WDFY4: variants seen among roughly 807,000 people sequenced by gnomAD.
The protein encoded by WDFY4 is WDFY family member 4, also known as WD repeat- and FYVE domain-containing protein 4.
A neutral mutation model predicts 351.9 loss-of-function variants in WDFY4; 169 were observed. That is an observed-to-expected ratio of 0.48 (90% CI 0.42 to 0.55). The LOEUF (loss-of-function observed/expected upper bound fraction) is 0.55, where lower values mean the gene tolerates loss of function less well. WDFY4 is among the 20% of genes least tolerant of loss of function. The pLI is 0.00. For missense variants in WDFY4, 3,803 were observed against 3,935.6 expected (o/e 0.97, Z 0.90); for synonymous variants, 1,622 against 1,574.6 (o/e 1.03, Z -0.71).
chr10:48,795,518 T>TAC (rs1565207955), intron 23 of WDFY4, among the ~76,000 whole-genome samples: 2 of 96,134 alleles, frequency 2.1e-5, no homozygotes, highest in Non-Finnish European at 3.8e-5. Flanking sequence ...TATATATATA[T>TAC]ATATACATAT....
intron 38 of WDFY4, 102 bp from the exon 39 acceptor site, chr10:48,832,471 G>A (rs923509500): frequency 6.7e-6 from 9 of 1,335,938 alleles, no homozygotes; most frequent in Non-Finnish European, 7.9e-6. Context: ...GGCAACCACA[G>A]GGGGCTCATG....
intron 3 of WDFY4, 130 bp downstream of exon 3, chr10:48,720,255 C>A (rs2064036998): frequency 1.1e-6 from 1 of 921,660 alleles, no homozygotes; most frequent in Non-Finnish European, 1.6e-6. Context: ...AGAAGTAGGC[C>A]CCACTCTGCC....
intron 57 of WDFY4, among the ~76,000 whole-genome samples, chr10:48,973,561 C>T (rs1186236043): frequency 3.9e-5 from 6 of 152,252 alleles, no homozygotes; most frequent in Admixed American, 2.6e-4. Context: ...CTTGGTAAGC[C>T]AGGCCAATTA....
chr10:48,868,432 G>A (rs1377248690), intron 40 of WDFY4, among the ~76,000 whole-genome samples: 1 of 152,154 alleles, frequency 6.6e-6, no homozygotes, highest in African/African-American at 2.4e-5. Flanking sequence ...CAGACCCTTT[G>A]GTTGGACAAG....
At chr10:48,696,943 G>A (rs190755526) in intron 1 of WDFY4, among the ~76,000 whole-genome samples, 201 of 152,364 alleles carry the variant, frequency 1.3e-3, no homozygotes, top group Non-Finnish European at 1.1e-3. Context: ...AGTCGCTAAG[G>A]TTACAGGTTA....
Position 48,736,010 on chromosome 10 carries a change from T to G in WDFY4, c.1818T>G (p.Ile606Met), listed in dbSNP as rs1359032691. The change falls in exon 11 of 62, where the codon ATT (isoleucine) becomes ATG (methionine). Residue 606 changes from isoleucine (I) to methionine (M), a missense_variant. Coordinates refer to ENST00000325239, the MANE Select transcript of WDFY4 (RefSeq NM_001394531.1). ...ACGCCGAGGAGTACATGAGCATCAT[T>G]GTGGGTGCTCTATGCTCATCCACTC... The part of the protein sequence containing the change: ...AINAEEYMSI[I>M]VGALCSSTQG... 1 of 1,551,908 alleles carries G rather than the reference T, an allele frequency of 6.4e-7. No individual in the cohort carries two copies. The highest frequency in any genetic ancestry group is 1.2e-5 in the South Asian group (1 of 84,062).
chr10:48,879,792 C>T (rs958933823), intron 43 of WDFY4, among the ~76,000 whole-genome samples: 20 of 152,160 alleles, frequency 1.3e-4, no homozygotes, highest in African/African-American at 4.6e-4. Context: ...GGGTGCCCAC[C>T]TCCCTTACCC....
intron 31 of WDFY4, 28 bp from the exon 32 acceptor site, chr10:48,817,217 G>T: frequency 6.5e-7 from 1 of 1,550,266 alleles, no homozygotes; most frequent in Non-Finnish European, 8.7e-7. Context: ...ATGCTGCCCT[G>T]CACTACCTCT....
At chr10:48,952,831 C>T (rs1023553133) in intron 51 of WDFY4, among the ~76,000 whole-genome samples, 1 of 152,214 alleles carries the variant, frequency 6.6e-6, no homozygotes, top group Non-Finnish European at 1.5e-5. Flanking sequence ...AGTGCGTGGG[C>T]TTCCCAACGC....
intron 24 of WDFY4, among the ~76,000 whole-genome samples, chr10:48,802,577 G>T (rs982711846): frequency 7.3e-6 from 1 of 136,722 alleles, no homozygotes; most frequent in Admixed American, 7.3e-5. Context: ...CTAAAGGGAA[G>T]TAGAAATAAG....
chr10:48,965,014 T>C (rs1842015528), intron 54 of WDFY4, among the ~76,000 whole-genome samples: 1 of 152,178 alleles, frequency 6.6e-6, no homozygotes. Flanking sequence ...GGAGATTGGA[T>C]GGCACATCCA....
chr10:48,968,854 C>T (rs865888364), intron 55 of WDFY4: 17 of 562,272 alleles, frequency 3.0e-5, no homozygotes, highest in South Asian at 1.3e-4. Flanking sequence ...GCCCCGGGGC[C>T]CGGCTACAGT....
At chr10:48,925,110 A>T (rs7094724) in intron 47 of WDFY4, among the ~76,000 whole-genome samples, 96,242 of 152,056 alleles carry the variant, frequency 0.63, 31,137 homozygotes, top group East Asian at 1. Context: ...TCTTAAAAGG[A>T]AATGATGCAA....
chr10:48,807,549 T>C (rs2067300908), intron 27 of WDFY4, among the ~76,000 whole-genome samples: 1 of 152,260 alleles, frequency 6.6e-6, no homozygotes, highest in Admixed American at 6.5e-5. Context: ...TTATGAAATG[T>C]TGCAGCCTAT....
chr10:48,787,801 CTCCTCCTCT>C (rs1398102397), intron 20 of WDFY4, among the ~76,000 whole-genome samples: 4 of 79,018 alleles, frequency 5.1e-5, no homozygotes, highest in South Asian at 6.4e-4. Flanking sequence ...CCTCCTCCTC[CTCCTCCTCT>C]TCTTCTTCTT....
At chr10:48,718,091 AC>A (rs1330470071) in intron 2 of WDFY4, among the ~76,000 whole-genome samples, 3 of 152,242 alleles carry the variant, frequency 2.0e-5, no homozygotes, top group Admixed American at 2.0e-4. Flanking sequence ...CCAACCCAAA[AC>A]ATATAAAATA....
chr10:48,762,767 CTT>C (rs145155217), intron 13 of WDFY4, among the ~76,000 whole-genome samples: 7 of 152,338 alleles, frequency 4.6e-5, no homozygotes, highest in Non-Finnish European at 8.8e-5. Context: ...CAGGCAGGCT[CTT>C]TAGCAGGGCA....
chr10:48,819,506 G>A (rs189894363), intron 32 of WDFY4, among the ~76,000 whole-genome samples: 4 of 152,170 alleles, frequency 2.6e-5, no homozygotes, highest in African/African-American at 7.2e-5. Context: ...AGATGAATGC[G>A]CAGGAGAAGT....
rs950140210 is a variant in WDFY4 at position 48,768,580 on chromosome 10, C to A, written c.2554-5878C>A. Among the ~76,000 whole-genome samples, 3 of 152,120 alleles carry A rather than the reference C, an allele frequency of 2.0e-5. No individual in the cohort carries two copies. In the East Asian group the frequency reaches 5.8e-4, roughly 29 times the overall value. ...ATCTGTCAGCCCTCTGGGTTAGGCG[C>A]GCCTATTGTGTTTTAGAGTAGCCTG... On this transcript the variant is annotated intron_variant, in intron 13 of 61. Coordinates refer to ENST00000325239, the MANE Select transcript of WDFY4 (RefSeq NM_001394531.1).
Sources: gnomAD v4.1 joint callset for allele counts (sites outside exome capture counted in the v4.1 genomes callset) on GRCh38, gnomAD v4.1.1 for gene constraint, MANE v1.5 for transcripts, NCBI Gene and HGNC (gene_info 2026-07-23, HGNC 2026-07-21) for gene names.